The following NCKAP5 variants were observed in gnomAD, a reference collection of about 807,000 sequenced individuals.
NCKAP5 encodes the protein nck-associated protein 5.
Under a neutral mutation model 167.0 loss-of-function variants are expected in NCKAP5, and 92 were observed. The ratio of observed to expected loss-of-function variants is 0.55; its 90% CI spans 0.47 to 0.66. The LOEUF is 0.66. Among genes scored for constraint, NCKAP5 ranks in the 30% least tolerant of loss-of-function variants. The pLI, the probability that NCKAP5 is intolerant of heterozygous loss-of-function variation, is 0.00. For synonymous variants in NCKAP5, 891 were observed against 877.4 expected (o/e 1.02, Z -0.27); for missense variants, 2,378 against 2,315.0 (o/e 1.03, Z -0.56).
the NCKAP5 span, among the ~76,000 whole-genome samples, chr2:133,589,548 T>C: frequency 6.6e-6 from 1 of 151,722 alleles, no homozygotes. Flanking sequence ...GATCTGGGAG[T>C]TGTCAGCATA....
intron 5 of NCKAP5, among the ~76,000 whole-genome samples, chr2:133,144,092 C>T (rs2083099196): frequency 6.6e-6 from 1 of 151,988 alleles, no homozygotes; most frequent in Admixed American, 6.6e-5. Flanking sequence ...TGGTCTTTGC[C>T]ATTAAAAATA....
the NCKAP5 span, among the ~76,000 whole-genome samples, chr2:133,587,014 C>T: frequency 6.6e-6 from 1 of 152,104 alleles, no homozygotes; most frequent in Non-Finnish European, 1.5e-5. Flanking sequence ...ATACTCCTAG[C>T]AAAACTTGAA....
intron 16 of NCKAP5, among the ~76,000 whole-genome samples, chr2:132,740,156 A>G (rs1309906546): frequency 1.3e-5 from 2 of 152,192 alleles, no homozygotes; most frequent in Non-Finnish European, 1.5e-5. Flanking sequence ...AAACTTTTTC[A>G]CTTTGAAAAC....
chr2:133,398,839 C>T (rs1687918175), intron 3 of NCKAP5, among the ~76,000 whole-genome samples: 1 of 152,112 alleles, frequency 6.6e-6, no homozygotes, highest in Non-Finnish European at 1.5e-5. Context: ...GCACAGCACC[C>T]TTCACTGAGA....
intron 8 of NCKAP5, among the ~76,000 whole-genome samples, chr2:132,928,945 AC>A (rs1235539736): frequency 2.0e-5 from 3 of 150,424 alleles, no homozygotes; most frequent in Non-Finnish European, 4.4e-5. Context: ...ATACAGTGAG[AC>A]CCCCTTCTCT....
intron 7 of NCKAP5, among the ~76,000 whole-genome samples, chr2:132,982,013 T>C (rs895939853): frequency 5.3e-5 from 8 of 152,198 alleles, no homozygotes; most frequent in Admixed American, 5.2e-4. Context: ...AGCTTCATGA[T>C]TTTCTCCAAT....
intron 2 of NCKAP5, among the ~76,000 whole-genome samples, chr2:133,540,208 A>C (rs13021343): frequency 0.28 from 41,874 of 152,004 alleles, 6,285 homozygotes; most frequent in East Asian, 0.37. Context: ...GAAAAATGCT[A>C]TGCATATCAA....
rs977290834 is a variant in NCKAP5, at chr2:133,119,658, C to T, written c.341+10320G>A. 2.6e-5 allele frequency among the ~76,000 whole-genome samples: 4 copies of T among 152,014 alleles called. No individual in the cohort carries two copies. In the East Asian group the frequency reaches 7.7e-4, roughly 29 times the overall value. ...ACTTGCACTCCAAAATTATGTACAT[C>T]TATTATCTATCAATAAATTTAAAAA... On this transcript the variant is annotated intron_variant, in intron 6 of 19. Transcript: ENST00000409261.
intron 5 of NCKAP5, among the ~76,000 whole-genome samples, chr2:133,162,676 AT>A (rs2083841898): frequency 6.6e-6 from 1 of 151,796 alleles, no homozygotes; most frequent in Non-Finnish European, 1.5e-5. Context: ...TTGATGCAAC[AT>A]TGTTTTTTTT....
At chr2:133,041,126 G>A (rs2079206437) in intron 6 of NCKAP5, among the ~76,000 whole-genome samples, 1 of 152,152 alleles carries the variant, frequency 6.6e-6, no homozygotes, top group South Asian at 2.1e-4. Context: ...GACTACAAAT[G>A]TGTATTCCAC....
At chr2:133,387,653 C>T (rs1232949396) in intron 3 of NCKAP5, among the ~76,000 whole-genome samples, 2 of 152,234 alleles carry the variant, frequency 1.3e-5, no homozygotes, top group Admixed American at 6.5e-5. Flanking sequence ...AGCTTGGTTT[C>T]ATTCTCCCTG....
intron 8 of NCKAP5, among the ~76,000 whole-genome samples, chr2:132,898,078 C>T (rs1475115761): frequency 2.0e-5 from 3 of 152,236 alleles, no homozygotes; most frequent in Non-Finnish European, 4.4e-5. Flanking sequence ...GAACTTCTTC[C>T]AGAATTGGAG....
intron 19 of NCKAP5, among the ~76,000 whole-genome samples, chr2:132,692,108 G>GATTTTATTTT (rs5834326): frequency 0.079 from 10,841 of 136,606 alleles, 549 homozygotes; most frequent in Non-Finnish European, 0.097. Flanking sequence ...AAGCCTGCTT[G>GATTTTATTTT]ATTTTATTTT....
chr2:133,289,537 T>C (rs1465562096), intron 4 of NCKAP5, among the ~76,000 whole-genome samples: 1 of 151,324 alleles, frequency 6.6e-6, no homozygotes, highest in Non-Finnish European at 1.5e-5. Flanking sequence ...AGGTCAGGGG[T>C]TTGAAACCCG....
the NCKAP5 span, among the ~76,000 whole-genome samples, chr2:133,631,565 T>C: frequency 6.6e-6 from 1 of 152,224 alleles, no homozygotes; most frequent in Non-Finnish European, 1.5e-5. Context: ...GTGAGTTTTT[T>C]GCAAAAGGTG....
Position 132,782,037 on chromosome 2 carries a change from GT to G in NCKAP5, c.4773del (p.Gln1592LysfsTer7). On this transcript the variant is annotated frameshift_variant, in exon 14 of 20. Transcript: ENST00000409261. LOFTEE classifies it high-confidence loss of function. ...ATCTTCAGTTGGTTGTAAATGTCTTGTGGTGTTCTCCGATTATTTTTGCTTT... is the reference window on the plus strand; with the variant it reads ...ATCTTCAGTTGGTTGTAAATGTCTTGGGTGTTCTCCGATTATTTTTGCTTT... ...GLQSKNNRRT[P>X]QDIYNQLKIE... The G allele has an allele frequency of 6.2e-7, 1 of 1,613,996 alleles. No homozygotes were observed. Among genetic ancestry groups the G allele is most frequent in the South Asian group, 1.1e-5 (1 of 91,082 alleles).
chr2:133,267,608 C>G (rs936918724), intron 4 of NCKAP5, among the ~76,000 whole-genome samples: 8 of 152,188 alleles, frequency 5.3e-5, no homozygotes, highest in Non-Finnish European at 1.0e-4. Flanking sequence ...GGCAAGAAAA[C>G]GCTGAATTCC....
intron 4 of NCKAP5, among the ~76,000 whole-genome samples, chr2:133,217,763 C>T (rs1018967255): frequency 2.0e-5 from 3 of 152,074 alleles, no homozygotes; most frequent in African/African-American, 7.2e-5. Flanking sequence ...TACCAACTTG[C>T]CTGGCATAAC....
chr2:132,797,935 T>C (rs1684734268), intron 11 of NCKAP5, among the ~76,000 whole-genome samples: 1 of 152,230 alleles, frequency 6.6e-6, no homozygotes, highest in African/African-American at 2.4e-5. Flanking sequence ...TCCTGAAGGA[T>C]GGCACTGTGG....
Sources: gnomAD v4.1 joint callset for allele counts (sites outside exome capture counted in the v4.1 genomes callset) on GRCh38, gnomAD v4.1.1 for gene constraint, MANE v1.5 for transcripts, NCBI Gene and HGNC (gene_info 2026-07-23, HGNC 2026-07-21) for gene names.